The following EPHA6 variants were observed in gnomAD, a reference collection of about 807,000 sequenced individuals.
EPHA6 encodes the protein ephrin type-A receptor 6.
A neutral mutation model predicts 112.0 loss-of-function variants in EPHA6; 50 were observed. The observed-to-expected ratio is 0.45, with a 90% CI of 0.36 to 0.56. The LOEUF (loss-of-function observed/expected upper bound fraction) is 0.56, where lower values mean the gene tolerates loss of function less well. Ranked by LOEUF, EPHA6 falls within the 20% of genes least tolerant of loss-of-function variation. EPHA6 has a pLI of 0.00. For synonymous variants in EPHA6, 529 were observed against 490.7 expected, an observed-to-expected ratio of 1.08 and a Z score of -1.03; for missense variants, 1,280 against 1,417.4, an observed-to-expected ratio of 0.90 and a Z score of 1.56.
At chr3:97,347,954 A>T (rs1381430189) in intron 5 of EPHA6, among the ~76,000 whole-genome samples, 3 of 152,130 alleles carry the variant, frequency 2.0e-5, no homozygotes, top group Non-Finnish European at 4.4e-5. Context: ...ACAGAGTCTT[A>T]TCTGATTTTC....
intron 1 of EPHA6, among the ~76,000 whole-genome samples, chr3:96,824,124 A>G (rs1016741412): frequency 6.6e-6 from 1 of 151,570 alleles, no homozygotes; most frequent in African/African-American, 2.4e-5. Flanking sequence ...AAAATTACAC[A>G]TATAAGAACC....
intron 10 of EPHA6, among the ~76,000 whole-genome samples, chr3:97,504,286 T>C (rs1245840575): frequency 6.6e-6 from 1 of 152,050 alleles, no homozygotes; most frequent in African/African-American, 2.4e-5. Context: ...AAGGCTAAGG[T>C]TGGAGCAAAA....
At chr3:97,244,521 C>A in intron 5 of EPHA6, 1 of 519,890 alleles carries the variant, frequency 1.9e-6, no homozygotes, top group Non-Finnish European at 3.4e-6. Flanking sequence ...TGTTTATGTA[C>A]TCATGTATTT....
intron 3 of EPHA6, among the ~76,000 whole-genome samples, chr3:97,202,020 A>C (rs2077589382): frequency 6.6e-6 from 1 of 152,122 alleles, no homozygotes; most frequent in Admixed American, 6.6e-5. Flanking sequence ...CTGTTTTTAC[A>C]TCTGAGGGTT....
At chr3:96,886,325 A>C (rs62262953) in intron 2 of EPHA6, among the ~76,000 whole-genome samples, 4,726 of 152,246 alleles carry the variant, frequency 0.031, 105 homozygotes, top group Middle Eastern at 0.068. Context: ...TCTTAGGTCT[A>C]TGAGTAATTG....
Position 97,018,025 on chromosome 3 carries a change from C to T in EPHA6, c.1114+30032C>T, listed in dbSNP as rs145183752. Among the ~76,000 whole-genome samples, 727 of 151,054 alleles carry T rather than the reference C, an allele frequency of 4.8e-3. 5 individuals are homozygous for T. Among genetic ancestry groups the T allele is most frequent in the Middle Eastern group, 0.014 (4 of 292 alleles). ...CTCTATGTATTTTCACATAGCCTAC[C>T]TTCAACCTCACTAATCCTTCTTCTG... On this transcript the variant is annotated intron_variant, in intron 3 of 17. Coordinates refer to ENST00000389672, the MANE Select transcript of EPHA6 (RefSeq NM_001080448.3).
At chr3:96,949,046 A>G (rs1297239260) in intron 2 of EPHA6, among the ~76,000 whole-genome samples, 2 of 152,130 alleles carry the variant, frequency 1.3e-5, no homozygotes, top group African/African-American at 2.4e-5. Flanking sequence ...ATAATGCTCA[A>G]TAAAATTGGT....
rs768021331 is a variant in EPHA6, at chr3:97,693,807, C to CAAAATAA, written c.2785-26435_2785-26429dup. Among the ~76,000 whole-genome samples, 5 of 151,340 alleles carry CAAAATAA rather than the reference C, an allele frequency of 3.3e-5. No individual in the cohort carries two copies. The East Asian group carries it at 9.7e-4, about 29-fold the overall frequency. ...TGGGTGACAGAGCGAGACTCTGTCT[C>CAAAATAA]AAAATAAAAAATAAAAAATAAAAAA... On this transcript the variant is annotated intron_variant, in intron 14 of 17. Transcript: ENST00000389672.
chr3:97,546,565 G>C (rs1462698990), intron 11 of EPHA6, among the ~76,000 whole-genome samples: 7 of 152,112 alleles, frequency 4.6e-5, no homozygotes, highest in Non-Finnish European at 7.4e-5. Context: ...TTCTCGAAGA[G>C]TATCTTTGTG....
intron 2 of EPHA6, among the ~76,000 whole-genome samples, chr3:96,948,184 A>G (rs977889226): frequency 6.6e-6 from 1 of 152,150 alleles, no homozygotes; most frequent in African/African-American, 2.4e-5. Context: ...TCTTTGCAAG[A>G]CTCTTAAAAT....
chr3:97,229,822 G>A (rs1335156355), intron 4 of EPHA6, among the ~76,000 whole-genome samples: 2 of 152,028 alleles, frequency 1.3e-5, no homozygotes, highest in Non-Finnish European at 1.5e-5. Context: ...CTTTCTGATT[G>A]TAAATGCTAA....
intron 13 of EPHA6, among the ~76,000 whole-genome samples, chr3:97,637,542 CT>C (rs985224487): frequency 2.0e-5 from 3 of 151,668 alleles, no homozygotes; most frequent in Admixed American, 6.6e-5. Flanking sequence ...GTTTGGTAGC[CT>C]TTTTTTTGGC....
intron 13 of EPHA6, among the ~76,000 whole-genome samples, chr3:97,613,715 G>A (rs2093739540): frequency 6.6e-6 from 1 of 152,094 alleles, no homozygotes; most frequent in African/African-American, 2.4e-5. Flanking sequence ...TTTTAAAGTT[G>A]AATACATTCT....
At chr3:97,283,848 CTAAGT>C (rs917416206) in intron 5 of EPHA6, among the ~76,000 whole-genome samples, 1 of 151,998 alleles carries the variant, frequency 6.6e-6, no homozygotes, top group African/African-American at 2.4e-5. Flanking sequence ...GTTATAGAGA[CTAAGT>C]TAAGAATGGC....
At chr3:97,408,858 CAGACTCTA>C (rs2087531084) in intron 6 of EPHA6, among the ~76,000 whole-genome samples, 1 of 152,030 alleles carries the variant, frequency 6.6e-6, no homozygotes, top group African/African-American at 2.4e-5. Flanking sequence ...CATAAACATT[CAGACTCTA>C]ACAGTTATAT....
intron 3 of EPHA6, among the ~76,000 whole-genome samples, chr3:97,144,218 T>TAA (rs1488518580): frequency 6.6e-6 from 1 of 151,756 alleles, no homozygotes; most frequent in Non-Finnish European, 1.5e-5. Flanking sequence ...ATAGGTATAC[T>TAA]AATTATTGCT....
At chr3:97,452,823 T>A (rs1683426198) in intron 7 of EPHA6, among the ~76,000 whole-genome samples, 1 of 151,680 alleles carries the variant, frequency 6.6e-6, no homozygotes. Flanking sequence ...ACAGCTATAA[T>A]AGGAAATTTT....
At chr3:97,374,994 G>A (rs1880142) in intron 5 of EPHA6, among the ~76,000 whole-genome samples, 6,719 of 152,100 alleles carry the variant, frequency 0.044, 450 homozygotes, top group African/African-American at 0.14. Context: ...AACCTACTAT[G>A]TGTCCAGCGC....
chr3:96,918,483 C>T (rs1379150257), intron 2 of EPHA6, among the ~76,000 whole-genome samples: 1 of 151,932 alleles, frequency 6.6e-6, no homozygotes, highest in Non-Finnish European at 1.5e-5. Flanking sequence ...ATTCCTTGAC[C>T]ATTCAGTGAT....
Sources: allele counts gnomAD v4.1 joint callset (sites outside exome capture counted in the v4.1 genomes callset), GRCh38; gene constraint gnomAD v4.1.1; transcripts MANE v1.5; gene names NCBI Gene and HGNC (gene_info 2026-07-23, HGNC 2026-07-21).